PTPRQ: variants seen among roughly 807,000 people sequenced by gnomAD.
The protein encoded by PTPRQ is phosphatidylinositol phosphatase PTPRQ.
In PTPRQ, 199 loss-of-function variants were observed where a neutral mutation model predicts 246.0. The ratio of observed to expected loss-of-function variants is 0.81; its 90% CI spans 0.72 to 0.91. The LOEUF (loss-of-function observed/expected upper bound fraction) is 0.91, where lower values mean the gene tolerates loss of function less well. PTPRQ is among the 40% of genes least tolerant of loss of function. The pLI, the probability that PTPRQ is intolerant of heterozygous loss-of-function variation, is 0.00. For missense variants in PTPRQ, 2,624 were observed against 2,528.4 expected (o/e 1.04, Z -0.81); for synonymous variants, 869 against 853.2 (o/e 1.02, Z -0.32).
intron 14 of PTPRQ, among the ~76,000 whole-genome samples, chr12:80,497,797 A>G (rs1411191863): frequency 6.6e-6 from 1 of 152,120 alleles, no homozygotes; most frequent in Non-Finnish European, 1.5e-5. Context: ...TTAAAACAAT[A>G]AATATTTACT....
chr12:80,493,505 A>C lies in PTPRQ; in HGVS notation c.1540+50A>C, dbSNP rs1894516923. On this transcript the variant is annotated intron_variant, in intron 10 of 44. Coordinates refer to ENST00000644991, the MANE Select transcript of PTPRQ (RefSeq NM_001145026.2). ...AAAGTTCATTTAAACCACCAGTGCT[A>C]GCTAGCACAGAAATGAACCTAAGCT... 3 of 1,503,886 alleles carry C rather than the reference A, an allele frequency of 2.0e-6. 1 individual carries two copies. The South Asian group carries it at 4.0e-5, about 20-fold the overall frequency. The allele number at this position is 1,503,886 out of a possible 1,614,324, so 93.2% of individuals were successfully genotyped here.
intron 7 of PTPRQ, among the ~76,000 whole-genome samples, chr12:80,470,886 C>T (rs988459648): frequency 1.2e-4 from 19 of 152,124 alleles, no homozygotes; most frequent in East Asian, 9.6e-4. Flanking sequence ...CTTAATGATA[C>T]GGAGTAATTG....
intron 36 of PTPRQ, 62 bp from the exon 37 acceptor site, chr12:80,649,526 A>G (rs1015612986): frequency 1.5e-5 from 23 of 1,512,362 alleles, no homozygotes; most frequent in African/African-American, 7.0e-5. Context: ...AGCCAGTGCC[A>G]ATGCTAACGC....
rs1895945338 is a variant in PTPRQ, at chr12:80,534,994, A to G, written c.2942A>G (p.Tyr981Cys). 6.5e-7 allele frequency: 1 copy of G among 1,545,344 alleles called. No homozygotes were observed. Among genetic ancestry groups the G allele is most frequent in the Non-Finnish European group, 8.7e-7 (1 of 1,145,050 alleles). ...TCAAAACCTAATGGGATTATACAAT[A>G]TTACTCTGTTTATTACAGAAATACT... is the stretch of plus-strand genomic sequence containing the variant. Reference protein sequence around the residue: ...PPSKPNGIIQYYSVYYRNTSG... With the variant: ...PPSKPNGIIQCYSVYYRNTSG... The change falls in exon 19 of 45, where the codon TAT (tyrosine) becomes TGT (cysteine). Residue 981 changes from tyrosine to cysteine, a missense_variant. Coordinates refer to ENST00000644991, the MANE Select transcript of PTPRQ (RefSeq NM_001145026.2).
intron 25 of PTPRQ, among the ~76,000 whole-genome samples, chr12:80,582,395 C>T (rs1334382535): frequency 6.6e-6 from 1 of 152,080 alleles, no homozygotes; most frequent in South Asian, 2.1e-4. Context: ...TTATTTCCCC[C>T]CTAGAATCAT....
Position 80,484,561 on chromosome 12 carries a change from A to T in PTPRQ, c.1315A>T (p.Thr439Ser). The T allele has an allele frequency of 6.5e-7, 1 of 1,550,284 alleles. No individual in the cohort carries two copies. The highest frequency in any genetic ancestry group is 1.4e-5 in the African/African-American group (1 of 73,060). ...CCGAGTGAAAGTGCTAGTTCCAGAGACAGGAATAATTTTGGAAAATACTTT... is the reference window on the plus strand; with the variant it reads ...CCGAGTGAAAGTGCTAGTTCCAGAGTCAGGAATAATTTTGGAAAATACTTT... Reference protein sequence around the residue: ...QYRVKVLVPETGIILENTLLT... With the variant: ...QYRVKVLVPESGIILENTLLT... Residue 439 changes from threonine (T) to serine (S), a missense_variant, in exon 9 of 45, where the codon ACA becomes TCA. By Grantham distance (58) the Thr-to-Ser change is moderately conservative. Coordinates refer to ENST00000644991, the MANE Select transcript of PTPRQ (RefSeq NM_001145026.2).
chr12:80,544,881 A>C (rs1896258334), intron 23 of PTPRQ, among the ~76,000 whole-genome samples: 1 of 152,154 alleles, frequency 6.6e-6, no homozygotes, highest in African/African-American at 2.4e-5. Context: ...TATCCCAGTC[A>C]ATCCACTGTG....
At chr12:80,599,890 A>T (rs1042275367) in intron 26 of PTPRQ, among the ~76,000 whole-genome samples, 1 of 151,134 alleles carries the variant, frequency 6.6e-6, no homozygotes, top group Non-Finnish European at 1.5e-5. Flanking sequence ...ATATAAGTTT[A>T]CTTTTATTTT....
chr12:80,607,900 A>G (rs1898387130), intron 27 of PTPRQ, among the ~76,000 whole-genome samples: 1 of 150,878 alleles, frequency 6.6e-6, no homozygotes, highest in Non-Finnish European at 1.5e-5. Flanking sequence ...ACAAGGATGA[A>G]AAACATAAAG....
intron 19 of PTPRQ, among the ~76,000 whole-genome samples, chr12:80,536,810 A>T (rs2120817458): frequency 6.6e-6 from 1 of 152,352 alleles, no homozygotes; most frequent in Non-Finnish European, 1.5e-5. Flanking sequence ...CATAGAAGAT[A>T]TGCAAATTGG....
At chr12:80,466,844 A>G (rs1198178583) in intron 6 of PTPRQ, among the ~76,000 whole-genome samples, 1 of 152,284 alleles carries the variant, frequency 6.6e-6, no homozygotes, top group South Asian at 2.1e-4. Context: ...TATACCTTAT[A>G]CAAAAATCAA....
Position 80,445,680 on chromosome 12 carries a change from T to C in PTPRQ, c.353T>C (p.Leu118Pro), listed in dbSNP as rs1220565937. The C allele has an allele frequency of 1.9e-6, 3 of 1,548,718 alleles. No individual in the cohort carries two copies. The highest frequency in any genetic ancestry group is 2.6e-6 in the Non-Finnish European group (3 of 1,144,596). ...AAGCCAGACAGTCTGGAAGTTCTTC[T>C]TACTAATCTTAATCCTGGAACAACA... ...RSKPDSLEVL[L>P]TNLNPGTTYE... The change falls in exon 3 of 45, where the codon CTT (leucine) becomes CCT (proline). Residue 118 changes from leucine (L) to proline (P), a missense_variant. Coordinates refer to ENST00000644991, the MANE Select transcript of PTPRQ (RefSeq NM_001145026.2).
chr12:80,565,015 A>T (rs1278705768), intron 25 of PTPRQ, among the ~76,000 whole-genome samples: 2 of 152,230 alleles, frequency 1.3e-5, no homozygotes, highest in African/African-American at 4.8e-5. Context: ...TCTATGATCA[A>T]ATCCATGCTT....
At chr12:80,676,259 C>T (rs749013151) in intron 43 of PTPRQ, among the ~76,000 whole-genome samples, 17 of 152,188 alleles carry the variant, frequency 1.1e-4, no homozygotes, top group Non-Finnish European at 2.5e-4. Flanking sequence ...CATACTACAG[C>T]AGCAACTTCA....
chr12:80,672,911 G>T (rs767436947), intron 42 of PTPRQ, among the ~76,000 whole-genome samples: 2 of 151,908 alleles, frequency 1.3e-5, no homozygotes, highest in Non-Finnish European at 2.9e-5. Flanking sequence ...AAAATATTAA[G>T]AAATAAGAGG....
intron 6 of PTPRQ, chr12:80,462,158 C>T (rs1468828903): frequency 1.8e-5 from 5 of 274,142 alleles, no homozygotes; most frequent in Non-Finnish European, 3.6e-5. Flanking sequence ...GTCACTCCCA[C>T]CCGAATACTG....
At chr12:80,481,801 A>G (rs1286298350) in intron 8 of PTPRQ, among the ~76,000 whole-genome samples, 1 of 152,110 alleles carries the variant, frequency 6.6e-6, no homozygotes, top group Non-Finnish European at 1.5e-5. Context: ...TAAAATACCT[A>G]GGAATCCAAC....
intron 14 of PTPRQ, among the ~76,000 whole-genome samples, chr12:80,499,542 T>C (rs1894732913): frequency 6.6e-6 from 1 of 151,966 alleles, no homozygotes; most frequent in Admixed American, 6.6e-5. Flanking sequence ...AATACAGTAA[T>C]TATACCTTCT....
At chr12:80,539,966 A>G (rs1896103916) in intron 20 of PTPRQ, 22 bp downstream of exon 20, 1 of 1,422,184 alleles carries the variant, frequency 7.0e-7, no homozygotes, top group Admixed American at 3.1e-5. Context: ...AAAAACACTA[A>G]TCTTTAATAT....
Sources: allele counts gnomAD v4.1 joint callset (sites outside exome capture counted in the v4.1 genomes callset), GRCh38; gene constraint gnomAD v4.1.1; transcripts MANE v1.5; gene names NCBI Gene and HGNC (gene_info 2026-07-23, HGNC 2026-07-21).